Variants in EYS observed in about 807,000 individuals in gnomAD.
EYS encodes EGF-like photoreceptor maintenance factor, also known as protein eyes shut homolog.
EYS carries 250 observed loss-of-function variants against 282.1 expected under a neutral mutation model. The observed-to-expected ratio is 0.89, with a 90% CI of 0.80 to 0.98. The LOEUF is 0.98. EYS is among the 50% of genes least tolerant of loss of function. EYS has a pLI of 0.00. For synonymous variants in EYS, 1,355 were observed against 1,282.9 expected (o/e 1.06, Z -1.20); for missense variants, 4,016 against 3,709.0 (o/e 1.08, Z -2.15).
At chr6:65,275,739 C>A (rs751384126) in intron 12 of EYS, among the ~76,000 whole-genome samples, 2 of 152,116 alleles carry the variant, frequency 1.3e-5, no homozygotes, top group Non-Finnish European at 2.9e-5. Context: ...TGTAGATAGA[C>A]CTGGCTCCAA....
intron 5 of EYS, among the ~76,000 whole-genome samples, chr6:65,439,445 G>A (rs531933924): frequency 6.6e-6 from 1 of 152,162 alleles, no homozygotes; most frequent in South Asian, 2.1e-4. Context: ...GGGCAGCATG[G>A]CCATTTTTCA....
intron 35 of EYS, among the ~76,000 whole-genome samples, chr6:63,968,559 T>C (rs1389030375): frequency 1.3e-5 from 2 of 152,230 alleles, no homozygotes; most frequent in African/African-American, 4.8e-5. Context: ...TGATGTCAAG[T>C]TGATTTCTCA....
chr6:65,648,128 A>G (rs1767519817), intron 1 of EYS, among the ~76,000 whole-genome samples: 1 of 152,326 alleles, frequency 6.6e-6, no homozygotes, highest in Admixed American at 6.5e-5. Flanking sequence ...GAGATTCCTT[A>G]AAGAATTAAA....
intron 31 of EYS, among the ~76,000 whole-genome samples, chr6:64,229,212 T>C (rs912910323): frequency 1.3e-5 from 2 of 152,038 alleles, no homozygotes; most frequent in African/African-American, 4.8e-5. Context: ...GAGGTGGAGG[T>C]TGCAGTGAGC....
At chr6:65,478,318 A>T (rs1765481757) in intron 5 of EYS, among the ~76,000 whole-genome samples, 1 of 152,272 alleles carries the variant, frequency 6.6e-6, no homozygotes, top group East Asian at 1.9e-4. Context: ...AAGTAGATAG[A>T]CATAAATTAC....
intron 22 of EYS, among the ~76,000 whole-genome samples, chr6:64,711,038 G>T (rs1771196412): frequency 6.6e-6 from 1 of 152,168 alleles, no homozygotes; most frequent in South Asian, 2.1e-4. Flanking sequence ...GAGCTACGGA[G>T]ATTTTTGCAG....
intron 31 of EYS, among the ~76,000 whole-genome samples, chr6:64,155,199 A>AT: frequency 6.6e-6 from 1 of 152,156 alleles, no homozygotes; most frequent in Non-Finnish European, 1.5e-5. Flanking sequence ...ATCACACAGG[A>AT]TTTAATGTTG....
chr6:64,454,197 T>C (rs1297558737), intron 26 of EYS, among the ~76,000 whole-genome samples: 3 of 152,124 alleles, frequency 2.0e-5, no homozygotes, highest in South Asian at 2.1e-4. Flanking sequence ...TGTTCTTCCA[T>C]GTACCTGAAT....
intron 35 of EYS, among the ~76,000 whole-genome samples, chr6:63,898,570 C>T (rs1379159586): frequency 6.6e-6 from 1 of 151,718 alleles, no homozygotes; most frequent in African/African-American, 2.4e-5. Flanking sequence ...GGATAATATT[C>T]TTTTAAAGAT....
chr6:65,345,184 C>T (rs1156410059), intron 9 of EYS, among the ~76,000 whole-genome samples: 2 of 151,732 alleles, frequency 1.3e-5, no homozygotes, highest in Non-Finnish European at 2.9e-5. Flanking sequence ...TATCCCAAAT[C>T]TCTTCAATCA....
intron 35 of EYS, among the ~76,000 whole-genome samples, chr6:63,940,721 A>G (rs913405473): frequency 6.6e-6 from 1 of 151,392 alleles, no homozygotes; most frequent in Non-Finnish European, 1.5e-5. Context: ...TCTAGGGTAC[A>G]TGTGTACAAT....
chr6:64,659,917 G>T (rs1256694152), intron 22 of EYS, among the ~76,000 whole-genome samples: 1 of 152,140 alleles, frequency 6.6e-6, no homozygotes, highest in Admixed American at 6.5e-5. Flanking sequence ...ACCAAAGCCT[G>T]GCAGAGACAC....
chr6:64,467,237 T>C (rs1775954224), intron 26 of EYS, among the ~76,000 whole-genome samples: 1 of 152,160 alleles, frequency 6.6e-6, no homozygotes, highest in African/African-American at 2.4e-5. Context: ...TTTTTTTAAA[T>C]AACTATCTTA....
At chr6:64,676,311 T>TATATCTATATATATATATCTAC (rs1769671144) in intron 22 of EYS, among the ~76,000 whole-genome samples, 1 of 135,612 alleles carries the variant, frequency 7.4e-6, no homozygotes, top group South Asian at 2.5e-4. Context: ...CTATATCCAA[T>TATATCTATATATATATATCTAC]ATATCTATAT....
chr6:64,867,453 TC>T (rs1766457813), intron 19 of EYS, among the ~76,000 whole-genome samples: 1 of 151,730 alleles, frequency 6.6e-6, no homozygotes, highest in Non-Finnish European at 1.5e-5. Flanking sequence ...AAACATTCTA[TC>T]TTTTTCCTAT....
chr6:65,465,591 A>T (rs1299265785), intron 5 of EYS, among the ~76,000 whole-genome samples: 1 of 152,224 alleles, frequency 6.6e-6, no homozygotes, highest in Non-Finnish European at 1.5e-5. Flanking sequence ...AATTGGAATT[A>T]AATTTACATC....
At chr6:65,035,259 G>A (rs1159929636) in intron 13 of EYS, among the ~76,000 whole-genome samples, 1 of 151,882 alleles carries the variant, frequency 6.6e-6, no homozygotes, top group Admixed American at 6.6e-5. Flanking sequence ...ATACTGAACA[G>A]GCTGGAAGCA....
chr6:64,066,294 C>T (rs1188125525), intron 33 of EYS, 44 bp downstream of exon 33: 3 of 1,515,550 alleles, frequency 2.0e-6, no homozygotes, highest in Non-Finnish European at 2.7e-6. Flanking sequence ...AACGAACAAA[C>T]AAAATTTCAG....
intron 26 of EYS, among the ~76,000 whole-genome samples, chr6:64,441,743 G>T (rs1232361872): frequency 1.3e-5 from 2 of 152,276 alleles, no homozygotes; most frequent in East Asian, 1.9e-4. Context: ...AACAAGAGTT[G>T]CCCTGCACAA....
Sources: gnomAD v4.1 joint callset for allele counts (sites outside exome capture counted in the v4.1 genomes callset) on GRCh38, gnomAD v4.1.1 for gene constraint, MANE v1.5 for transcripts, NCBI Gene and HGNC (gene_info 2026-07-23, HGNC 2026-07-21) for gene names.